Variants in TAOK2 observed in about 807,000 individuals in gnomAD.
TAOK2 encodes TAO kinase 2, also known as serine/threonine-protein kinase TAO2.
TAOK2 carries 42 observed loss-of-function variants against 122.5 expected under a neutral mutation model. That is an observed-to-expected ratio of 0.34 (90% CI 0.27 to 0.44). The LOEUF (loss-of-function observed/expected upper bound fraction) is 0.44. Among genes scored for constraint, TAOK2 ranks in the 20% least tolerant of loss-of-function variants. The pLI, the probability that TAOK2 is intolerant of heterozygous loss-of-function variation, is 1.00. For synonymous variants in TAOK2, 704 were observed against 677.6 expected (o/e 1.04, Z -0.61); for missense variants, 1,264 against 1,644.9 (o/e 0.77, Z 4.01).
chr16:29,985,790 C>T lies in TAOK2; in HGVS notation c.1921C>T (p.Leu641=), dbSNP rs1237700532. 1 of 1,611,840 alleles carries T rather than the reference C, an allele frequency of 6.2e-7. No individual in the cohort carries two copies. Among genetic ancestry groups the T allele is most frequent in the Non-Finnish European group, 8.5e-7 (1 of 1,179,880 alleles). The change falls in exon 15 of 16, where the codon CTG becomes TTG. Residue 641 remains leucine (L), a synonymous_variant. Transcript: ENST00000308893. The surrounding 1 kb of genome is among the most constrained non-coding windows in gnomAD (Gnocchi z 6.9). ...GCGGCGGCAGCGCCAGTACTTTGAGCTGCAGTGTCGCCAGTACAAGCGCAA... is the reference window on the plus strand; with the variant it reads ...GCGGCGGCAGCGCCAGTACTTTGAGTTGCAGTGTCGCCAGTACAAGCGCAA... The part of the protein sequence containing the change: ...LLRRQRQYFE[L]QCRQYKRKML...
At position 29,985,076 on chromosome 16, in the gene TAOK2, G is replaced by A. The variant is rs141470862; in HGVS notation, c.1423-137G>A. The A allele has an allele frequency of 5.7e-5, 65 of 1,132,082 alleles. No homozygotes were observed. In the African/African-American group the frequency reaches 9.1e-4, roughly 16 times the overall value. 70.1% of individuals were successfully genotyped at this position (1,132,082 alleles called of 1,614,324 possible). A position where few individuals can be genotyped will look rare whatever the true frequency, so the allele number is the denominator to read the frequency against. On this transcript the variant is annotated intron_variant, in intron 13 of 15. Coordinates refer to ENST00000308893, the MANE Select transcript of TAOK2 (RefSeq NM_016151.4). The surrounding 1 kb of genome is among the most constrained non-coding windows in gnomAD (Gnocchi z 6.9). ...CCAGTTGAGGAAACAGGCTAGAGTG[G>A]CCGTGTGTGAGGAAGGTGTTAAATG...
downstream of TAOK2, chr16:29,990,181 C>G (rs576291576): frequency 1.8e-4 from 40 of 224,900 alleles, no homozygotes; most frequent in South Asian, 4.2e-4. Context: ...AGTTGCTGTT[C>G]TAAAAAAATG....
At chr16:29,982,639 C>G in intron 10 of TAOK2, 95 bp from the exon 11 acceptor site, 3 of 1,512,038 alleles carry the variant, frequency 2.0e-6, no homozygotes, top group East Asian at 2.3e-5. Context: ...GGCGTGGGCC[C>G]CAGAAGAGTG....
At chr16:29,975,367 T>G (rs2069422732) in intron 1 of TAOK2, among the ~76,000 whole-genome samples, 1 of 152,188 alleles carries the variant, frequency 6.6e-6, no homozygotes, top group Non-Finnish European at 1.5e-5. Context: ...TTGCCCAAGG[T>G]CACACAGTGG....
At chr16:29,991,540 T>C (rs2069969633), downstream of TAOK2, 2 of 1,483,188 alleles carry the variant, frequency 1.3e-6, no homozygotes, top group East Asian at 5.0e-5. The surrounding 1 kb of genome is among the most constrained non-coding windows in gnomAD (Gnocchi z 5.6). Context: ...TCCCACATCC[T>C]CAATGGTTCT....
Position 29,979,470 on chromosome 16 carries a change from T to C in TAOK2, c.617T>C (p.Val206Ala), listed in dbSNP as rs753857036. ...GATGAGGGGCAGTACGATGGCAAAG[T>C]GGACGTCTGGTCCTTGGGGATAACC... ...AMDEGQYDGK[V>A]DVWSLGITCI... The change falls in exon 8 of 16, where the codon GTG becomes GCG. Residue 206 changes from valine (V) to alanine (A), a missense_variant. Physicochemically the swap from Val to Ala is moderately conservative, Grantham distance 64. Coordinates refer to ENST00000308893, the MANE Select transcript of TAOK2 (RefSeq NM_016151.4). This position sits in a 1 kb window ranked among gnomAD's most constrained non-coding sequence, Gnocchi z 4.1. The C allele has an allele frequency of 6.4e-7, 1 of 1,570,368 alleles. No homozygotes were observed. The highest frequency in any genetic ancestry group is 8.6e-7 in the Non-Finnish European group (1 of 1,156,204).
Position 29,986,973 on chromosome 16 carries a change from G to C in TAOK2, c.2701G>C (p.Glu901Gln). 1 of 1,613,702 alleles carries C rather than the reference G, an allele frequency of 6.2e-7. No homozygotes were observed. The highest frequency in any genetic ancestry group is 1.7e-4 in the Middle Eastern group (1 of 6,056). The change falls in exon 16 of 16, where the codon GAG becomes CAG. Residue 901 changes from glutamate (E) to glutamine (Q), a missense_variant. Physicochemically the swap from Glu to Gln is conservative, Grantham distance 29. Coordinates refer to ENST00000308893, the MANE Select transcript of TAOK2 (RefSeq NM_016151.4). The surrounding 1 kb of genome is among the most constrained non-coding windows in gnomAD (Gnocchi z 4.2). ...CCCAGCACTGACTCCCGTCCCTGAGGAGGAGGAAGAAGAGGAAGAGGGGGC... is the reference window on the plus strand; with the variant it reads ...CCCAGCACTGACTCCCGTCCCTGAGCAGGAGGAAGAAGAGGAAGAGGGGGC... ...QGPALTPVPE[E>Q]EEEEEEGAPI... is the part of the protein sequence containing the mutation.
chr16:29,983,705 T>G lies in TAOK2; in HGVS notation c.1422+41T>G, dbSNP rs779068698. ...CTCACTCAGCCTGCTCGCTGTCTGTTTTTTAAGTCTTTTTAAGTCTAGAAA... is the reference window on the plus strand; with the variant it reads ...CTCACTCAGCCTGCTCGCTGTCTGTGTTTTAAGTCTTTTTAAGTCTAGAAA... On this transcript the variant is annotated intron_variant, in intron 13 of 15. Coordinates refer to ENST00000308893, the MANE Select transcript of TAOK2 (RefSeq NM_016151.4). 79 of 1,563,842 alleles carry G rather than the reference T, an allele frequency of 5.1e-5. No individual in the cohort carries two copies. In the South Asian group the frequency reaches 8.4e-4, roughly 17 times the overall value.
chr16:29,989,818 G>A, downstream of TAOK2: 1 of 1,612,000 alleles, frequency 6.2e-7, no homozygotes, highest in Non-Finnish European at 8.5e-7. Context: ...GAGGCCTGGG[G>A]TCCAGGGAGG....
chr16:29,985,435 A>G lies in TAOK2; in HGVS notation c.1645A>G (p.Ile549Val), dbSNP rs769608292. Residue 549 changes from isoleucine (I) to valine (V), a missense_variant, in exon 14 of 16, where the codon ATA becomes GTA. Physicochemically the swap from Ile to Val is conservative, Grantham distance 29. Around this residue, in one of 4 missense-constraint regions of TAOK2, gnomAD observed 824 missense variants for 908.7 expected, o/e 0.91. Coordinates refer to ENST00000308893, the MANE Select transcript of TAOK2 (RefSeq NM_016151.4). This position sits in a 1 kb window ranked among gnomAD's most constrained non-coding sequence, Gnocchi z 6.9. ...AAAGCTGGCCCGGCGGCACCAGGCC[A>G]TAGGTGAGAAGGAGGCACGAGCTGC... ...AEKLARRHQA[I>V]GEKEARAAQA... 4.3e-6 allele frequency: 7 copies of G among 1,610,444 alleles called. No individual in the cohort carries two copies. The highest frequency in any genetic ancestry group is 2.2e-5 in the East Asian group (1 of 44,796).
rs144910819 is a variant in TAOK2, at chr16:29,985,841, G to A, written c.1972G>A (p.Asp658Asn). 5.0e-6 allele frequency: 8 copies of A among 1,611,706 alleles called. No homozygotes were observed. Among genetic ancestry groups the A allele is most frequent in the Non-Finnish European group, 6.8e-6 (8 of 1,179,740 alleles). The change falls in exon 15 of 16, where the codon GAC becomes AAC. Residue 658 changes from aspartate (D) to asparagine (N), a missense_variant. By Grantham distance (23) the Asp-to-Asn change is conservative (BLOSUM62 1). Coordinates refer to ENST00000308893, the MANE Select transcript of TAOK2 (RefSeq NM_016151.4). The surrounding 1 kb of genome is among the most constrained non-coding windows in gnomAD (Gnocchi z 6.9). ...RKMLLARHSL[D>N]QDLLREDLNK... The stretch of plus-strand genomic sequence containing the variant: ...GATGTTGCTGGCTCGGCACAGCCTG[G>A]ACCAGGACCTGCTGCGGGAGGTAGG...
Position 29,977,792 on chromosome 16 carries a change from C to T in TAOK2, c.20C>T (p.Ala7Val). 6.2e-7 allele frequency: 1 copy of T among 1,614,160 alleles called. No homozygotes were observed. Among genetic ancestry groups the T allele is most frequent in the Non-Finnish European group, 8.5e-7 (1 of 1,180,004 alleles). ...GCCACCATGCCAGCTGGGGGCCGGGCCGGGAGCCTGAAGGACCCAGATGTG... is the reference window on the plus strand; with the variant it reads ...GCCACCATGCCAGCTGGGGGCCGGGTCGGGAGCCTGAAGGACCCAGATGTG... MPAGGR[A>V]GSLKDPDVAE... is the part of the protein sequence containing the mutation. The change falls in exon 2 of 16, where the codon GCC (alanine) becomes GTC (valine). Residue 7 changes from alanine (A) to valine (V), a missense_variant. Around this residue, in one of 4 missense-constraint regions of TAOK2, gnomAD observed 254 missense variants for 503.8 expected, o/e 0.50. Transcript: ENST00000308893.
chr16:29,990,592 A>T (rs2069943083), downstream of TAOK2: 1 of 481,136 alleles, frequency 2.1e-6, no homozygotes, highest in African/African-American at 2.0e-5. Flanking sequence ...CACCTCGAGC[A>T]CATGTGCAAG....
At chr16:29,982,004 A>AG in intron 10 of TAOK2, 64 bp downstream of exon 10, 1 of 1,400,338 alleles carries the variant, frequency 7.1e-7, no homozygotes, top group Non-Finnish European at 9.9e-7. Context: ...AAGAACCCCC[A>AG]GGGAAATTAG....
At chr16:29,988,478 G>A (rs970459205), downstream of TAOK2, 22 of 1,218,282 alleles carry the variant, frequency 1.8e-5, no homozygotes, top group Non-Finnish European at 2.0e-5. Context: ...CCCTCGGCCC[G>A]GCTCCATGAC....
Position 29,988,231 on chromosome 16 carries a change from C to A in TAOK2, c.*251C>A. ...TTCGCCCGCTGTGTGTGCTCATCCT[C>A]ACCCTCATTGACTCAGGCCTGGGGC... On this transcript the variant is annotated 3_prime_UTR_variant, in exon 16 of 16. Transcript: ENST00000308893. 2 of 1,448,958 alleles carry A rather than the reference C, an allele frequency of 1.4e-6. No individual in the cohort carries two copies. The highest frequency in any genetic ancestry group is 1.8e-6 in the Non-Finnish European group (2 of 1,107,936). The allele number at this position is 1,448,958 out of a possible 1,614,324, so 89.8% of individuals were successfully genotyped here. A position where few individuals can be genotyped will look rare whatever the true frequency, so the allele number is the denominator to read the frequency against.
rs200223649 is a variant in TAOK2 at position 29,982,290 on chromosome 16, C to A, written c.831+350C>A. 9.2e-5 allele frequency among the ~76,000 whole-genome samples: 14 copies of A among 152,254 alleles called. No homozygotes were observed. In the East Asian group the frequency reaches 2.1e-3, roughly 23 times the overall value. On this transcript the variant is annotated intron_variant, in intron 10 of 15. Coordinates refer to ENST00000308893, the MANE Select transcript of TAOK2 (RefSeq NM_016151.4). ...TTATCATGGGTAAATGTATGATTTC[C>A]CTTAGGTGTTTTTTGAATTATCAAA... is the stretch of plus-strand genomic sequence containing the variant.
chr16:29,987,420 C>T lies in TAOK2; in HGVS notation c.3148C>T (p.Leu1050Phe), dbSNP rs1281510718. 3.1e-6 allele frequency: 5 copies of T among 1,606,156 alleles called. No individual in the cohort carries two copies. Among genetic ancestry groups the T allele is most frequent in the East Asian group, 2.2e-5 (1 of 44,678 alleles). Residue 1050 changes from leucine to phenylalanine, a missense_variant, in exon 16 of 16, where the codon CTC becomes TTC. By Grantham distance (22) the Leu-to-Phe change is conservative. Around this residue, in one of 4 missense-constraint regions of TAOK2, gnomAD observed 824 missense variants for 908.7 expected, o/e 0.91. Coordinates refer to ENST00000308893, the MANE Select transcript of TAOK2 (RefSeq NM_016151.4). ...GVPLGLGAAW[L>F]LAWPGLALPL... Reference sequence around the variant, plus strand: ...TCCCCTGGGCCTTGGAGCTGCCTGGCTCTTAGCTTGGCCAGGCCTAGCTCT... The same window carrying T: ...TCCCCTGGGCCTTGGAGCTGCCTGGTTCTTAGCTTGGCCAGGCCTAGCTCT...
downstream of TAOK2, chr16:29,988,947 AG>A: frequency 1.0e-6 from 1 of 985,280 alleles, no homozygotes; most frequent in Middle Eastern, 5.2e-4. Context: ...TGAACTTGTC[AG>A]GCCCTTTCTG....
Sources: gnomAD v4.1 joint callset for allele counts (sites outside exome capture counted in the v4.1 genomes callset) on GRCh38, gnomAD v4.1.1 for gene constraint, gnomAD v4.1.1 regional missense constraint, Gnocchi (gnomAD v3.1) non-coding constraint, MANE v1.5 for transcripts, NCBI Gene and HGNC (gene_info 2026-07-23, HGNC 2026-07-21) for gene names.